The following RECQL5 variants were observed in gnomAD, a reference collection of about 807,000 sequenced individuals.
RECQL5 encodes ATP-dependent DNA helicase Q5.
Under a neutral mutation model 103.4 loss-of-function variants are expected in RECQL5, and 88 were observed. That is an observed-to-expected ratio of 0.85 (90% confidence interval 0.72 to 1.02). The LOEUF (loss-of-function observed/expected upper bound fraction) is 1.02, where lower values mean the gene tolerates loss of function less well. Ranked by LOEUF, RECQL5 falls within the 50% of genes least tolerant of loss-of-function variation. The pLI is 0.00. For synonymous variants in RECQL5, 552 were observed against 507.9 expected, an observed-to-expected ratio of 1.09 and a Z score of -1.17; for missense variants, 1,232 against 1,284.3, an observed-to-expected ratio of 0.96 and a Z score of 0.62.
intron 8 of RECQL5, among the ~76,000 whole-genome samples, chr17:75,641,779 A>G (rs1030150695): frequency 6.6e-6 from 1 of 152,210 alleles, no homozygotes; most frequent in Non-Finnish European, 1.5e-5. Context: ...AAACTGCCAG[A>G]GGAAGGCCCT....
At chr17:75,637,448 G>A (rs957842018) in intron 8 of RECQL5, 1 of 152,348 alleles carries the variant, frequency 6.6e-6, no homozygotes, top group Non-Finnish European at 1.5e-5. Flanking sequence ...CTCTAAGAAT[G>A]AGGGAACCTG....
intron 7 of RECQL5, among the ~76,000 whole-genome samples, chr17:75,655,049 C>G: frequency 6.6e-6 from 1 of 152,154 alleles, no homozygotes; most frequent in East Asian, 1.9e-4. Context: ...TGTCATTCTC[C>G]CGAAGTGTTG....
In RECQL5 at chr17:75,629,434, G is replaced by A; in HGVS notation, c.1989C>T (p.Ser663=). Residue 663 remains serine, a synonymous_variant, in exon 16 of 20, where the codon TCC becomes TCT. Coordinates refer to ENST00000317905, the MANE Select transcript of RECQL5 (RefSeq NM_004259.7). ...KRVGAGFPKG[S]CPFQTATELM... ...GTTCCGTGGCCGTCTGGAACGGGCA[G>A]GAGCCTTTGGGGAAACCAGCTCCCA... 6.6e-7 allele frequency: 1 copy of A among 1,506,272 alleles called. No homozygotes were observed. The highest frequency in any genetic ancestry group is 1.4e-5 in the African/African-American group (1 of 71,636). 93.3% of individuals were successfully genotyped at this position (1,506,272 alleles called of 1,614,324 possible). A position where few individuals can be genotyped will look rare whatever the true frequency, so the allele number is the denominator to read the frequency against.
intron 7 of RECQL5, among the ~76,000 whole-genome samples, chr17:75,656,269 G>T (rs534677599): frequency 6.6e-6 from 1 of 151,602 alleles, no homozygotes; most frequent in Non-Finnish European, 1.5e-5. Context: ...GTAGAGACGG[G>T]GTTTCTCCAT....
chr17:75,627,388 G>C lies in RECQL5; in HGVS notation c.*34C>G. 1 of 1,525,544 alleles carries C rather than the reference G, an allele frequency of 6.6e-7. No homozygotes were observed. Among genetic ancestry groups the C allele is most frequent in the Non-Finnish European group, 9.1e-7 (1 of 1,100,846 alleles). The allele number at this position is 1,525,544 out of a possible 1,614,324, so 94.5% of individuals were successfully genotyped here. ...CAGGATGACCCATGCTAGAATCTGG[G>C]GGAGGACGCGGGCCCTGCCCAGCCA... On this transcript the variant is annotated 3_prime_UTR_variant, in exon 20 of 20. Transcript: ENST00000317905.
Position 75,658,286 on chromosome 17 carries a change from C to A in RECQL5, c.1149+12G>T. 1 of 1,611,890 alleles carries A rather than the reference C, an allele frequency of 6.2e-7. No homozygotes were observed. The highest frequency in any genetic ancestry group is 8.5e-7 in the Non-Finnish European group (1 of 1,178,684). ...GGTCAGACTGAAAGACCTTCTACTG[C>A]CCAAGCCTTACCTGGAGTTTTGCTA... On this transcript the variant is annotated intron_variant, in intron 7 of 19. Transcript: ENST00000317905.
intron 8 of RECQL5, chr17:75,633,949 G>C (rs117916098): frequency 1.0e-6 from 1 of 985,522 alleles, no homozygotes; most frequent in Admixed American, 6.1e-5. Context: ...GTGAGGCACC[G>C]GGACATGAAG....
rs114292978 is a variant in RECQL5 at position 75,661,790 on chromosome 17, A to C, written c.772-82T>G. 7.3e-4 allele frequency: 750 copies of C among 1,025,404 alleles called. 4 individuals are homozygous for C. The African/African-American group carries it at 0.011, about 14-fold the overall frequency. 63.5% of individuals were successfully genotyped at this position (1,025,404 alleles called of 1,614,324 possible). A position where few individuals can be genotyped will look rare whatever the true frequency, so the allele number is the denominator to read the frequency against. ...AGTGTAATGCACCCTGCTCTAAAAGAAGCTCTGTGTTCCTTCTCTCGTCGG... is the reference window on the plus strand; with the variant it reads ...AGTGTAATGCACCCTGCTCTAAAAGCAGCTCTGTGTTCCTTCTCTCGTCGG... On this transcript the variant is annotated intron_variant, in intron 4 of 19. Coordinates refer to ENST00000317905, the MANE Select transcript of RECQL5 (RefSeq NM_004259.7).
rs1381702206 is a variant in RECQL5 at position 75,662,814 on chromosome 17, C to A, written c.436G>T (p.Val146Leu). 1.2e-6 allele frequency: 2 copies of A among 1,613,958 alleles called. No individual in the cohort carries two copies. The highest frequency in any genetic ancestry group is 1.3e-5 in the African/African-American group (1 of 74,908). Residue 146 changes from valine (V) to leucine (L), a missense_variant, in exon 4 of 20, where the codon GTG (valine) becomes TTG (leucine). Val to Leu is a conservative substitution (Grantham distance 32). Coordinates refer to ENST00000317905, the MANE Select transcript of RECQL5 (RefSeq NM_004259.7). ...SSFQPTLNSL[V>L]SRHLLSYLVV... ...AAGTAAGACAGCAGGTGGCGGGACA[C>A]CAGGGAGTTCAGGGTGGGCTGGAAG...
intron 8 of RECQL5, among the ~76,000 whole-genome samples, chr17:75,632,545 C>T (rs752563143): frequency 1.3e-5 from 2 of 152,240 alleles, no homozygotes; most frequent in Non-Finnish European, 2.9e-5. Flanking sequence ...GCCAGGGAGA[C>T]GCAGCCTCGC....
chr17:75,649,893 C>T, intron 8 of RECQL5: 1 of 985,540 alleles, frequency 1.0e-6, no homozygotes, highest in Non-Finnish European at 1.2e-6. Context: ...ACTAAGAAGT[C>T]CCAGCTCCCC....
chr17:75,630,833 C>A lies in RECQL5; in HGVS notation c.1590G>T (p.Glu530Asp). Residue 530 changes from glutamate (E) to aspartate (D), a missense_variant, in exon 12 of 20, where the codon GAG becomes GAT. Transcript: ENST00000317905. ...TAGAAGCCTCTTTCAGGGGACAGTT[C>A]TCATCTGTGGGGGGGGGGGGTGGTC... ...PKIEEFVPPD[E>D]NCPLKEASSR... 2 of 1,387,102 alleles carry A rather than the reference C, an allele frequency of 1.4e-6. No homozygotes were observed. The highest frequency in any genetic ancestry group is 1.9e-6 in the Non-Finnish European group (2 of 1,062,056). 85.9% of individuals were successfully genotyped at this position (1,387,102 alleles called of 1,614,324 possible).
At position 75,663,014 on chromosome 17, in the gene RECQL5, A is replaced by T; in HGVS notation, c.253-17T>A. The T allele has an allele frequency of 1.3e-6, 2 of 1,565,356 alleles. No homozygotes were observed. Among genetic ancestry groups the T allele is most frequent in the Non-Finnish European group, 1.7e-6 (2 of 1,156,502 alleles). ...CACTTGGTCCTAAGAGAAGAGAAAGAGGCTGTAACTGGCCCTCAGGACTCA... is the reference window on the plus strand; with the variant it reads ...CACTTGGTCCTAAGAGAAGAGAAAGTGGCTGTAACTGGCCCTCAGGACTCA... On this transcript the variant is annotated splice_polypyrimidine_tract_variant and intron_variant, in intron 3 of 19. Coordinates refer to ENST00000317905, the MANE Select transcript of RECQL5 (RefSeq NM_004259.7).
chr17:75,663,990 G>A (rs1289140894), intron 3 of RECQL5, among the ~76,000 whole-genome samples: 1 of 145,050 alleles, frequency 6.9e-6, no homozygotes, highest in African/African-American at 2.5e-5. Context: ...GGAGGCGGAG[G>A]TTGCGGTGAG....
Position 75,629,088 on chromosome 17 carries a change from C to T in RECQL5, c.2335G>A (p.Ala779Thr), listed in dbSNP as rs556638061. 11 of 1,613,312 alleles carry T rather than the reference C, an allele frequency of 6.8e-6. No individual in the cohort carries two copies. The highest frequency in any genetic ancestry group is 9.3e-6 in the Non-Finnish European group (11 of 1,179,790). ...GCACCTTCTGCCTCTGGGGCTGATG[C>T]CAGCAGAGCTGGGCTTTCCACCCTT... ...CRRVESPALL[A>T]SAPEAEGACP... Residue 779 changes from alanine (A) to threonine (T), a missense_variant, in exon 16 of 20, where the codon GCA becomes ACA. By Grantham distance (58) the Ala-to-Thr change is moderately conservative. Coordinates refer to ENST00000317905, the MANE Select transcript of RECQL5 (RefSeq NM_004259.7).
In RECQL5 at chr17:75,631,579, A is replaced by G; in HGVS notation, c.1319T>C (p.Val440Ala). The change falls in exon 9 of 20, where the codon GTG becomes GCG. Residue 440 changes from valine (V) to alanine (A), a missense_variant. By Grantham distance (64) the Val-to-Ala change is moderately conservative. Transcript: ENST00000317905. ...CTCCAAGGCCTCCAGCCGCCTCCGCACGGCCGTGGGGTTCTGGCAGTGGTC... is the reference window on the plus strand; with the variant it reads ...CTCCAAGGCCTCCAGCCGCCTCCGCGCGGCCGTGGGGTTCTGGCAGTGGTC... ...GCDHCQNPTA[V>A]RRRLEALERS... 6.2e-7 allele frequency: 1 copy of G among 1,612,960 alleles called. No individual in the cohort carries two copies. Among genetic ancestry groups the G allele is most frequent in the Non-Finnish European group, 8.5e-7 (1 of 1,179,904 alleles).
chr17:75,656,935 G>A (rs557395036), intron 7 of RECQL5, among the ~76,000 whole-genome samples: 161 of 152,088 alleles, frequency 1.1e-3, no homozygotes, highest in African/African-American at 3.6e-3. Flanking sequence ...TAGTAGAGAC[G>A]GGGTTTCACC....
At position 75,649,707 on chromosome 17, in the gene RECQL5, C is replaced by G. The variant is rs1371536044; in HGVS notation, c.1229+1479G>C. On this transcript the variant is annotated intron_variant, in intron 8 of 19. Coordinates refer to ENST00000317905, the MANE Select transcript of RECQL5 (RefSeq NM_004259.7). ...ATTCACTTATTCAAAGAACAGTAGC[C>G]AATACAGACATACCAGCAGCGTTTA... The G allele has an allele frequency of 7.1e-6, 7 of 985,372 alleles. No individual in the cohort carries two copies. The East Asian group carries it at 6.8e-4, about 96-fold the overall frequency. 61.0% of individuals were successfully genotyped at this position (985,372 alleles called of 1,614,324 possible). A position where few individuals can be genotyped will look rare whatever the true frequency, so the allele number is the denominator to read the frequency against.
Position 75,629,406 on chromosome 17 carries a change from T to C in RECQL5, c.2017A>G (p.Met673Val), listed in dbSNP as rs1287280559. The C allele has an allele frequency of 6.6e-7, 1 of 1,507,718 alleles. No individual in the cohort carries two copies. Among genetic ancestry groups the C allele is most frequent in the African/African-American group, 1.4e-5 (1 of 71,464 alleles). 93.4% of individuals were successfully genotyped at this position (1,507,718 alleles called of 1,614,324 possible). Reference protein sequence around the residue: ...SCPFQTATELMETTRIREQAP... With the variant: ...SCPFQTATELVETTRIREQAP... Reference sequence around the variant, plus strand: ...TGCTCCCTGATCCGAGTTGTCTCCATCAGTTCCGTGGCCGTCTGGAACGGG... The same window carrying C: ...TGCTCCCTGATCCGAGTTGTCTCCACCAGTTCCGTGGCCGTCTGGAACGGG... Residue 673 changes from methionine (M) to valine (V), a missense_variant, in exon 16 of 20, where the codon ATG becomes GTG. By Grantham distance (21) the Met-to-Val change is conservative (BLOSUM62 1). Coordinates refer to ENST00000317905, the MANE Select transcript of RECQL5 (RefSeq NM_004259.7).
Sources: gnomAD v4.1 joint callset for allele counts (sites outside exome capture counted in the v4.1 genomes callset) on GRCh38, gnomAD v4.1.1 for gene constraint, MANE v1.5 for transcripts, NCBI Gene and HGNC (gene_info 2026-07-23, HGNC 2026-07-21) for gene names.